Variants in ZNF69 observed in about 807,000 individuals in gnomAD.
ZNF69 encodes the protein zinc finger protein 69.
Under a neutral mutation model 50.9 loss-of-function variants are expected in ZNF69, and 47 were observed. The ratio of observed to expected loss-of-function variants is 0.92; its 90% CI spans 0.73 to 1.18. ZNF69 has a LOEUF of 1.18. Ranked by LOEUF, ZNF69 falls within the 50% of genes most tolerant of loss-of-function variation. The pLI is 0.00. For missense variants in ZNF69, 717 were observed against 675.1 expected (o/e 1.06, Z -0.69); for synonymous variants, 216 against 223.1 (o/e 0.97, Z 0.29).
At chr19:11,914,732 A>T (rs1461639770), downstream of ZNF69, among the ~76,000 whole-genome samples, 1 of 152,208 alleles carries the variant, frequency 6.6e-6, no homozygotes, top group African/African-American at 2.4e-5. Context: ...AGAAACGCTT[A>T]TTTAAAACTC....
At chr19:11,891,153 T>C (rs922552829) in intron 1 of ZNF69, among the ~76,000 whole-genome samples, 2 of 152,042 alleles carry the variant, frequency 1.3e-5, no homozygotes, top group African/African-American at 4.8e-5. Flanking sequence ...TGGGCCAGCA[T>C]GATGGCTTAG....
At chr19:11,951,931 T>C in the ZNF69 span, among the ~76,000 whole-genome samples, 7 of 152,202 alleles carry the variant, frequency 4.6e-5, no homozygotes, top group Admixed American at 2.6e-4. Context: ...TCACAGCACA[T>C]TGGGAGGCTG....
the ZNF69 span, among the ~76,000 whole-genome samples, chr19:11,922,971 C>A: frequency 6.6e-6 from 1 of 152,030 alleles, no homozygotes; most frequent in Non-Finnish European, 1.5e-5. Context: ...CACCACCTCT[C>A]CTGGCTAATT....
the ZNF69 span, among the ~76,000 whole-genome samples, chr19:11,939,096 G>T: frequency 6.6e-6 from 1 of 152,126 alleles, no homozygotes; most frequent in Non-Finnish European, 1.5e-5. Flanking sequence ...TTGTAAATTT[G>T]TTTAAGTTCT....
the ZNF69 span, among the ~76,000 whole-genome samples, chr19:11,961,159 A>G: frequency 3.3e-5 from 5 of 152,168 alleles, no homozygotes; most frequent in Non-Finnish European, 7.3e-5. Context: ...ACACGGTCAT[A>G]TTTGGACACG....
At chr19:11,934,426 G>T in the ZNF69 span, among the ~76,000 whole-genome samples, 1 of 148,450 alleles carries the variant, frequency 6.7e-6, no homozygotes, top group Non-Finnish European at 1.5e-5. Context: ...AGTGTTCATT[G>T]TCATTGGCAT....
At chr19:11,967,605 G>A in the ZNF69 span, among the ~76,000 whole-genome samples, 2 of 151,964 alleles carry the variant, frequency 1.3e-5, no homozygotes, top group Non-Finnish European at 1.5e-5. Flanking sequence ...GGGTTTCACC[G>A]TGTTAGCCAG....
chr19:11,914,699 A>G (rs192924180), downstream of ZNF69, among the ~76,000 whole-genome samples: 7 of 152,302 alleles, frequency 4.6e-5, no homozygotes, highest in East Asian at 1.3e-3. Flanking sequence ...ACTTCCTTTA[A>G]GGTACCAATG....
the ZNF69 span, among the ~76,000 whole-genome samples, chr19:11,955,649 GA>G: frequency 1.3e-5 from 2 of 152,162 alleles, no homozygotes; most frequent in East Asian, 3.9e-4. Flanking sequence ...TGCTGCTTGG[GA>G]AAAGAAATAG....
At chr19:11,931,143 T>C in the ZNF69 span, among the ~76,000 whole-genome samples, 27 of 148,430 alleles carry the variant, frequency 1.8e-4, 4 homozygotes, top group African/African-American at 7.1e-4. Flanking sequence ...ATAGTGCCTC[T>C]CTATCTTAGT....
chr19:11,939,647 G>C, the ZNF69 span, among the ~76,000 whole-genome samples: 1 of 152,150 alleles, frequency 6.6e-6, no homozygotes, highest in East Asian at 1.9e-4. Context: ...TTTTAGTAGA[G>C]ATGGAGTTCC....
the ZNF69 span, chr19:11,965,108 G>A: frequency 6.5e-7 from 1 of 1,534,338 alleles, no homozygotes; most frequent in South Asian, 1.1e-5. Context: ...AGAGGGACCT[G>A]GTACCTCTAC....
At chr19:11,955,483 T>A in the ZNF69 span, among the ~76,000 whole-genome samples, 1 of 151,698 alleles carries the variant, frequency 6.6e-6, no homozygotes, top group Non-Finnish European at 1.5e-5. Context: ...AGCCTTCATC[T>A]TCCAGGCTTA....
intron 1 of ZNF69, among the ~76,000 whole-genome samples, chr19:11,903,149 T>C (rs549984546): frequency 6.6e-6 from 1 of 152,154 alleles, no homozygotes; most frequent in East Asian, 1.9e-4. Context: ...AAAAAACAAC[T>C]GCTGGCCAGG....
the ZNF69 span, among the ~76,000 whole-genome samples, chr19:11,954,920 A>G: frequency 6.6e-6 from 1 of 152,042 alleles, no homozygotes; most frequent in African/African-American, 2.4e-5. Flanking sequence ...AAGATAAGAA[A>G]ATTTTGCACA....
the ZNF69 span, chr19:11,956,693 T>A: frequency 1.5e-5 from 6 of 393,750 alleles, no homozygotes; most frequent in Middle Eastern, 6.3e-4. Flanking sequence ...CCATCTCTAC[T>A]AAAAATACAA....
chr19:11,976,734 C>CGG, the ZNF69 span: 1 of 410,918 alleles, frequency 2.4e-6, no homozygotes, highest in Admixed American at 4.9e-5. Context: ...GGTGTGGTGG[C>CGG]GCATGCCTGT....
the ZNF69 span, among the ~76,000 whole-genome samples, chr19:11,924,447 A>AAAAAG: frequency 6.6e-6 from 1 of 151,710 alleles, no homozygotes; most frequent in African/African-American, 2.4e-5. Context: ...AAAAAAAAAA[A>AAAAAG]AAAGAAAGAA....
the ZNF69 span, among the ~76,000 whole-genome samples, chr19:11,958,877 T>C: frequency 6.6e-6 from 1 of 152,096 alleles, no homozygotes; most frequent in East Asian, 1.9e-4. Flanking sequence ...GTTTGTTTGC[T>C]CATTTATTTA....
Sources: allele counts gnomAD v4.1 joint callset (sites outside exome capture counted in the v4.1 genomes callset), GRCh38; gene constraint gnomAD v4.1.1; transcripts MANE v1.5; gene names NCBI Gene and HGNC (gene_info 2026-07-23, HGNC 2026-07-21).